Variants in MKRN2 observed in about 807,000 individuals in gnomAD.
MKRN2 encodes E3 ubiquitin-protein ligase makorin-2.
In MKRN2, 32 loss-of-function variants were observed where a neutral mutation model predicts 45.4. The ratio of observed to expected loss-of-function variants is 0.70; its 90% confidence interval spans 0.53 to 0.95. MKRN2 has a LOEUF of 0.95. MKRN2 is among the 40% of genes least tolerant of loss of function. The pLI, the probability that MKRN2 is intolerant of heterozygous loss-of-function variation, is 0.00. For synonymous variants in MKRN2, 206 were observed against 192.4 expected (o/e 1.07, Z -0.59); for missense variants, 526 against 536.7 (o/e 0.98, Z 0.20).
At chr3:12,573,143 T>C (rs1343322260) in intron 4 of MKRN2, among the ~76,000 whole-genome samples, 1 of 152,086 alleles carries the variant, frequency 6.6e-6, no homozygotes, top group Non-Finnish European at 1.5e-5. Flanking sequence ...GGAAGGGCCT[T>C]TTAAAGTCAT....
intron 1 of MKRN2, among the ~76,000 whole-genome samples, chr3:12,559,102 T>C (rs931451076): frequency 6.6e-6 from 1 of 152,162 alleles, no homozygotes; most frequent in Non-Finnish European, 1.5e-5. Flanking sequence ...GAAAGGAAAC[T>C]CATACAAGGA....
intron 1 of MKRN2, among the ~76,000 whole-genome samples, chr3:12,566,882 C>T (rs772842497): frequency 5.9e-5 from 9 of 152,344 alleles, no homozygotes; most frequent in East Asian, 1.9e-4. Context: ...GGATTATAGG[C>T]GTGAGCCACC....
At chr3:12,565,225 TA>T (rs796649295) in intron 1 of MKRN2, among the ~76,000 whole-genome samples, 47 of 152,338 alleles carry the variant, frequency 3.1e-4, no homozygotes, top group African/African-American at 1.1e-3. Context: ...CAGCCTCCTT[TA>T]GTTACATGGC....
At chr3:12,565,777 C>T (rs974514842) in intron 1 of MKRN2, among the ~76,000 whole-genome samples, 1 of 152,080 alleles carries the variant, frequency 6.6e-6, no homozygotes, top group Non-Finnish European at 1.5e-5. Context: ...TGAGCTCAAG[C>T]AATCCACTCA....
chr3:12,564,316 A>G (rs1322361389), intron 1 of MKRN2, among the ~76,000 whole-genome samples: 1 of 152,202 alleles, frequency 6.6e-6, no homozygotes, highest in Non-Finnish European at 1.5e-5. Context: ...TTAATTTTTT[A>G]AGGAACTTCC....
At chr3:12,581,154 G>A (rs1468925004) in intron 6 of MKRN2, among the ~76,000 whole-genome samples, 1 of 152,138 alleles carries the variant, frequency 6.6e-6, no homozygotes, top group Non-Finnish European at 1.5e-5. Flanking sequence ...AAGAGAGAGG[G>A]AAAACATTTT....
At chr3:12,573,433 C>T (rs538587070) in intron 4 of MKRN2, among the ~76,000 whole-genome samples, 7 of 150,222 alleles carry the variant, frequency 4.7e-5, no homozygotes, top group Admixed American at 3.3e-4. Flanking sequence ...CTCGGCAGGA[C>T]TGAGGTGGGA....
At chr3:12,557,227 G>A (rs747581485) in intron 1 of MKRN2, 51 bp downstream of exon 1, 2 of 1,521,026 alleles carry the variant, frequency 1.3e-6, no homozygotes. Context: ...GGCCGCAGGG[G>A]GGCCGGTGCG....
rs73128372 is a variant in MKRN2 at position 12,563,966 on chromosome 3, G to T, written c.27-4909G>T. Among the ~76,000 whole-genome samples, 304 of 150,990 alleles carry T rather than the reference G, an allele frequency of 2.0e-3. 1 individual carries two copies. The highest frequency in any genetic ancestry group is 6.7e-3 in the African/African-American group (277 of 41,092). On this transcript the variant is annotated intron_variant, in intron 1 of 7. Coordinates refer to ENST00000170447, the MANE Select transcript of MKRN2 (RefSeq NM_014160.5). ...TACTTTGAAGTCTTCTATTTTTTTTGAAACAGATTCACTCTGTTGCCCAGG... is the reference window on the plus strand; with the variant it reads ...TACTTTGAAGTCTTCTATTTTTTTTTAAACAGATTCACTCTGTTGCCCAGG...
chr3:12,575,316 G>C (rs1193663324), intron 5 of MKRN2, among the ~76,000 whole-genome samples: 1 of 152,180 alleles, frequency 6.6e-6, no homozygotes, highest in Non-Finnish European at 1.5e-5. Context: ...AAATCCAGTA[G>C]TACCTGCCTG....
intron 3 of MKRN2, among the ~76,000 whole-genome samples, chr3:12,570,502 A>G (rs1380162054): frequency 1.3e-5 from 2 of 152,120 alleles, no homozygotes; most frequent in East Asian, 3.8e-4. Flanking sequence ...ATAAAAACAC[A>G]ATCTTTTTGT....
chr3:12,570,092 T>C lies in MKRN2; in HGVS notation c.177T>C (p.Ser59=), dbSNP rs1342266858. 2 of 1,612,498 alleles carry C rather than the reference T, an allele frequency of 1.2e-6. No homozygotes were observed. The highest frequency in any genetic ancestry group is 3.4e-5 in the Admixed American group (2 of 59,580). The change falls in exon 3 of 8, where the codon TCT becomes TCC. Residue 59 remains serine, a synonymous_variant. Transcript: ENST00000170447. ...TTAGATATGACCACACGAGGCCCTC[T>C]GCTGCAGCTGGAGGTGCTGTGGGCA... is the stretch of plus-strand genomic sequence containing the variant. ...TRCRYDHTRP[S]AAAGGAVGTM... is the part of the protein sequence containing the mutation.
In MKRN2 at chr3:12,581,963, T is replaced by C. The variant is rs1462070572; in HGVS notation, c.1113+11T>C. The C allele has an allele frequency of 2.5e-6, 4 of 1,613,206 alleles. No homozygotes were observed. The highest frequency in any genetic ancestry group is 3.4e-6 in the Non-Finnish European group (4 of 1,179,340). On this transcript the variant is annotated intron_variant, in intron 7 of 7. Coordinates refer to ENST00000170447, the MANE Select transcript of MKRN2 (RefSeq NM_014160.5). ...CAAGGCACTGTGAGGGTAAGGACTT[T>C]AGCCATCTCTAGTTGGGGACACTTA...
chr3:12,557,093 G>C lies in MKRN2; in HGVS notation c.-58G>C, dbSNP rs1182066693. ...GATGGGCCGGGCCAGGGCCAAGGCC[G>C]AGGCGGCAGCGGCTGCGAGAGGCGG... On this transcript the variant is annotated 5_prime_UTR_variant, in exon 1 of 8. Coordinates refer to ENST00000170447, the MANE Select transcript of MKRN2 (RefSeq NM_014160.5). 2.8e-6 allele frequency: 4 copies of C among 1,439,160 alleles called. No homozygotes were observed. Among genetic ancestry groups the C allele is most frequent in the South Asian group, 2.6e-5 (2 of 77,708 alleles). The allele number at this position is 1,439,160 out of a possible 1,614,324, so 89.1% of individuals were successfully genotyped here.
chr3:12,574,734 G>A, intron 4 of MKRN2, 58 bp from the exon 5 acceptor site: 1 of 1,483,754 alleles, frequency 6.7e-7, no homozygotes, highest in Non-Finnish European at 9.3e-7. Context: ...TACTCCTAGG[G>A]CTCCTGCCAC....
chr3:12,573,931 G>A (rs2058115626), intron 4 of MKRN2, among the ~76,000 whole-genome samples: 1 of 152,000 alleles, frequency 6.6e-6, no homozygotes. Context: ...CAGAGGTGAG[G>A]TCTTGCTATG....
intron 5 of MKRN2, among the ~76,000 whole-genome samples, chr3:12,576,189 ATGTGTGTGTGTGTGTGTG>A (rs59197804): frequency 1.1e-4 from 16 of 143,318 alleles, no homozygotes; most frequent in South Asian, 2.3e-4. Flanking sequence ...GAAACCATAT[ATGTGTGTGTGTGTGTGTG>A]TGTGTGTGTG....
At chr3:12,580,920 C>T (rs938778732) in intron 6 of MKRN2, among the ~76,000 whole-genome samples, 15 of 152,332 alleles carry the variant, frequency 9.8e-5, no homozygotes, top group Admixed American at 7.8e-4. Context: ...CTGACAGCAG[C>T]GTGCCCTTTC....
At chr3:12,570,045 A>C (rs760275858) in intron 2 of MKRN2, 26 bp from the exon 3 acceptor site, 3 of 1,566,558 alleles carry the variant, frequency 1.9e-6, no homozygotes, top group Non-Finnish European at 2.6e-6. Flanking sequence ...CATGTCTGTA[A>C]TGCATCTGCT....
Sources: allele counts gnomAD v4.1 joint callset (sites outside exome capture counted in the v4.1 genomes callset), GRCh38; gene constraint gnomAD v4.1.1; transcripts MANE v1.5; gene names NCBI Gene and HGNC (gene_info 2026-07-23, HGNC 2026-07-21).